Variants in NKAIN2 observed in about 807,000 individuals in gnomAD.
NKAIN2 encodes sodium/potassium-transporting ATPase subunit beta-1-interacting protein 2.
NKAIN2 carries 14 observed loss-of-function variants against 32.6 expected under a neutral mutation model. That is an observed-to-expected ratio of 0.43 (90% CI 0.28 to 0.67). The LOEUF (loss-of-function observed/expected upper bound fraction) is 0.67. NKAIN2 is among the 30% of genes least tolerant of loss of function. The pLI is 0.17. For missense variants in NKAIN2, 198 were observed against 258.3 expected (o/e 0.77, Z 1.60); for synonymous variants, 80 against 87.2 (o/e 0.92, Z 0.46).
At chr6:124,668,531 G>A (rs1772931703) in intron 4 of NKAIN2, among the ~76,000 whole-genome samples, 1 of 152,040 alleles carries the variant, frequency 6.6e-6, no homozygotes, top group Admixed American at 6.6e-5. Context: ...CTTCATCAGA[G>A]AATAATAGCA....
chr6:124,767,827 C>A (rs991940727), intron 4 of NKAIN2, among the ~76,000 whole-genome samples: 1 of 152,086 alleles, frequency 6.6e-6, no homozygotes, highest in Admixed American at 6.6e-5. Context: ...TCATTTTTTA[C>A]TTTTATTTTC....
intron 3 of NKAIN2, among the ~76,000 whole-genome samples, chr6:124,654,686 C>T (rs1280061633): frequency 6.6e-6 from 1 of 152,084 alleles, no homozygotes; most frequent in Non-Finnish European, 1.5e-5. Context: ...TAGGCCAATA[C>T]AACTGGAGGC....
At position 124,178,169 on chromosome 6, in the gene NKAIN2, A is replaced by G. The variant is rs556470613; in HGVS notation, c.55-104836A>G. On this transcript the variant is annotated intron_variant, in intron 1 of 6. Coordinates refer to ENST00000368417, the MANE Select transcript of NKAIN2 (RefSeq NM_001040214.3). ...AAGAAGAGGGCTTCAATAGACTCCA[A>G]ATTTTCTGGTACTTTTATCTTACAC... is the stretch of plus-strand genomic sequence containing the variant. 5.9e-5 allele frequency among the ~76,000 whole-genome samples: 9 copies of G among 152,262 alleles called. No homozygotes were observed. In the East Asian group the frequency reaches 1.5e-3, roughly 26 times the overall value.
intron 1 of NKAIN2, among the ~76,000 whole-genome samples, chr6:123,847,284 T>A (rs1031083876): frequency 3.3e-5 from 5 of 152,186 alleles, no homozygotes; most frequent in African/African-American, 1.2e-4. Context: ...AGGGATTAGA[T>A]CTTATAGCAG....
At chr6:123,876,330 G>A (rs1282829505) in intron 1 of NKAIN2, among the ~76,000 whole-genome samples, 1 of 152,062 alleles carries the variant, frequency 6.6e-6, no homozygotes, top group Non-Finnish European at 1.5e-5. Flanking sequence ...TGATTTTTCA[G>A]CTATTTAGAT....
intron 1 of NKAIN2, among the ~76,000 whole-genome samples, chr6:123,986,122 C>T (rs1779123405): frequency 6.6e-6 from 1 of 151,982 alleles, no homozygotes; most frequent in Non-Finnish European, 1.5e-5. Context: ...TAAGGAAACA[C>T]TTTAAACATG....
At chr6:124,584,655 GAAAA>G (rs34014858) in intron 3 of NKAIN2, among the ~76,000 whole-genome samples, 1 of 87,220 alleles carries the variant, frequency 1.1e-5, no homozygotes, top group Non-Finnish European at 2.3e-5. Context: ...CTCCATCTCA[GAAAA>G]AAAAAAAAAA....
At chr6:124,510,927 T>C (rs1242800843) in intron 3 of NKAIN2, among the ~76,000 whole-genome samples, 1 of 152,210 alleles carries the variant, frequency 6.6e-6, no homozygotes, top group Non-Finnish European at 1.5e-5. Context: ...ATATGTGTTT[T>C]TAAAATATAC....
At chr6:124,480,239 T>C (rs1777390884) in intron 3 of NKAIN2, among the ~76,000 whole-genome samples, 1 of 152,200 alleles carries the variant, frequency 6.6e-6, no homozygotes, top group Non-Finnish European at 1.5e-5. Context: ...AGGCATTTCA[T>C]TTCAGAGTTT....
intron 1 of NKAIN2, among the ~76,000 whole-genome samples, chr6:123,843,604 G>T (rs1442481173): frequency 6.6e-6 from 1 of 152,074 alleles, no homozygotes; most frequent in East Asian, 1.9e-4. Flanking sequence ...CAGGCTTGAG[G>T]GTGGAGCCCT....
At chr6:124,778,909 T>C (rs1779108159) in intron 4 of NKAIN2, among the ~76,000 whole-genome samples, 1 of 152,058 alleles carries the variant, frequency 6.6e-6, no homozygotes, top group Admixed American at 6.6e-5. Flanking sequence ...CCGATGAACA[T>C]TTACAAATGA....
intron 4 of NKAIN2, among the ~76,000 whole-genome samples, chr6:124,725,588 C>T (rs1034362355): frequency 2.0e-5 from 3 of 152,146 alleles, no homozygotes; most frequent in Non-Finnish European, 4.4e-5. Context: ...CATTACATTT[C>T]CTTTAAAGCA....
At chr6:124,184,550 C>A (rs1432563884) in intron 1 of NKAIN2, among the ~76,000 whole-genome samples, 1 of 152,044 alleles carries the variant, frequency 6.6e-6, no homozygotes, top group Non-Finnish European at 1.5e-5. Context: ...CACTGAGTAT[C>A]CCTCACTATC....
chr6:123,860,122 A>G (rs6939381), intron 1 of NKAIN2, among the ~76,000 whole-genome samples: 106,919 of 152,006 alleles, frequency 0.7, 38,121 homozygotes, highest in African/African-American at 0.82. Flanking sequence ...AGCACTGAAA[A>G]CACATCTACT....
At chr6:124,592,847 G>T (rs1480078246) in intron 3 of NKAIN2, among the ~76,000 whole-genome samples, 1 of 152,106 alleles carries the variant, frequency 6.6e-6, no homozygotes, top group Non-Finnish European at 1.5e-5. Flanking sequence ...TTGCACAAGT[G>T]CTGGGCATGG....
chr6:124,359,746 TA>T (rs755734543), intron 3 of NKAIN2, among the ~76,000 whole-genome samples: 5 of 152,178 alleles, frequency 3.3e-5, no homozygotes, highest in Admixed American at 6.5e-5. Context: ...CCTCTTTTCC[TA>T]ATTGAATACC....
At chr6:124,722,107 G>T (rs1219071059) in intron 4 of NKAIN2, among the ~76,000 whole-genome samples, 1 of 152,112 alleles carries the variant, frequency 6.6e-6, no homozygotes, top group East Asian at 1.9e-4. Flanking sequence ...ACTTCACTTA[G>T]CAAAATGTTT....
chr6:124,491,550 T>C (rs1455959023), intron 3 of NKAIN2, among the ~76,000 whole-genome samples: 1 of 151,874 alleles, frequency 6.6e-6, no homozygotes, highest in Middle Eastern at 3.2e-3. Flanking sequence ...TTTGGAAATA[T>C]GAATCAAGGC....
chr6:124,418,027 A>G (rs1379572336), intron 3 of NKAIN2, among the ~76,000 whole-genome samples: 1 of 152,194 alleles, frequency 6.6e-6, no homozygotes, highest in Non-Finnish European at 1.5e-5. Flanking sequence ...CTTGCTTATT[A>G]TGACCCAGGT....
Sources: gnomAD v4.1 joint callset for allele counts (sites outside exome capture counted in the v4.1 genomes callset) on GRCh38, gnomAD v4.1.1 for gene constraint, MANE v1.5 for transcripts, NCBI Gene and HGNC (gene_info 2026-07-23, HGNC 2026-07-21) for gene names.